ZNF469: variants seen among roughly 807,000 people sequenced by gnomAD.
ZNF469 encodes the protein zinc finger protein 469.
ZNF469 carries 1 observed loss-of-function variant against 1.0 expected under a neutral mutation model. The observed-to-expected ratio is 1.00, with a 90% CI of 0.35 to 4.73. The LOEUF is 4.73. ZNF469 is among the 30% of genes most tolerant of loss of function. The pLI is 0.16. For synonymous variants in ZNF469, 2,703 were observed against 2,363.4 expected (o/e 1.14, Z -4.17); for missense variants, 6,100 against 5,356.3 (o/e 1.14, Z -4.33).
At chr16:88,414,702 C>T (rs1365134044) in intron 1 of ZNF469, among the ~76,000 whole-genome samples, 1 of 152,232 alleles carries the variant, frequency 6.6e-6, no homozygotes, top group South Asian at 2.1e-4. Context: ...CCCAGAAGGA[C>T]GTCCCAGTGG....
the ZNF469 span, among the ~76,000 whole-genome samples, chr16:88,200,432 C>A: frequency 6.6e-6 from 1 of 152,202 alleles, no homozygotes; most frequent in Admixed American, 6.5e-5. Flanking sequence ...CAGAAGGGAC[C>A]GCACCTGCCC....
the ZNF469 span, among the ~76,000 whole-genome samples, chr16:88,274,966 C>G: frequency 6.6e-6 from 1 of 152,162 alleles, no homozygotes; most frequent in African/African-American, 2.4e-5. Context: ...CGCACACATG[C>G]CAACACTCTG....
At chr16:88,392,039 T>C (rs925961104) in intron 1 of ZNF469, among the ~76,000 whole-genome samples, 32 of 152,268 alleles carry the variant, frequency 2.1e-4, no homozygotes, top group African/African-American at 7.2e-4. Context: ...CAATATCTTA[T>C]GCAGGCTACA....
In ZNF469 at chr16:88,439,558, C is replaced by T; in HGVS notation, c.*226C>T. 1.7e-6 allele frequency: 1 copy of T among 590,444 alleles called. No homozygotes were observed. The highest frequency in any genetic ancestry group is 3.0e-6 in the Non-Finnish European group (1 of 333,894). 36.6% of individuals were successfully genotyped at this position (590,444 alleles called of 1,614,324 possible). A position where few individuals can be genotyped will look rare whatever the true frequency, so the allele number is the denominator to read the frequency against. ...CTGGGGGTGAAAGACGGGGCCACTG[C>T]AGCCCTTTTGAGACCACACAGCTGT... On this transcript the variant is annotated 3_prime_UTR_variant, in exon 3 of 3. Coordinates refer to ENST00000565624, the MANE Select transcript of ZNF469 (RefSeq NM_001367624.2).
At chr16:88,128,001 G>C in the ZNF469 span, among the ~76,000 whole-genome samples, 22 of 152,330 alleles carry the variant, frequency 1.4e-4, no homozygotes, top group East Asian at 3.1e-3. Context: ...CCACAGCAGT[G>C]AGTGTAGGCC....
At chr16:88,331,886 G>A in the ZNF469 span, among the ~76,000 whole-genome samples, 63 of 152,104 alleles carry the variant, frequency 4.1e-4, no homozygotes, top group Non-Finnish European at 8.5e-4. Context: ...CTTTTCTGGA[G>A]ACACCCATGA....
Position 88,428,546 on chromosome 16 carries a change from G to C in ZNF469, c.1076G>C (p.Gly359Ala), listed in dbSNP as rs997455271. 6 of 1,549,952 alleles carry C rather than the reference G, an allele frequency of 3.9e-6. No homozygotes were observed. In the African/African-American group the frequency reaches 6.8e-5, roughly 18 times the overall value. ...CTCAGTGGTGCCCTCTCTTCCCCTG[G>C]AGCTGCTCACTCGGCCCCGAGACCC... Reference protein sequence around the residue: ...SDLSGALSSPGAAHSAPRPFS... With the variant: ...SDLSGALSSPAAAHSAPRPFS... Residue 359 changes from glycine to alanine, a missense_variant, in exon 3 of 3, where the codon GGA becomes GCA. By Grantham distance (60) the Gly-to-Ala change is moderately conservative. Coordinates refer to ENST00000565624, the MANE Select transcript of ZNF469 (RefSeq NM_001367624.2).
At position 88,435,589 on chromosome 16, in the gene ZNF469, G is replaced by T; in HGVS notation, c.8119G>T (p.Ala2707Ser). ...GGGACCTGGGGTGATGGAGGGTGCAGCGGAGACTGACCAGGAGGCTCTGTG... is the reference window on the plus strand; with the variant it reads ...GGGACCTGGGGTGATGGAGGGTGCATCGGAGACTGACCAGGAGGCTCTGTG... ...TLGPGVMEGA[A>S]ETDQEALCAG... is the part of the protein sequence containing the mutation. Residue 2707 changes from alanine to serine, a missense_variant, in exon 3 of 3, where the codon GCG becomes TCG. Coordinates refer to ENST00000565624, the MANE Select transcript of ZNF469 (RefSeq NM_001367624.2). 3.9e-6 allele frequency: 6 copies of T among 1,549,990 alleles called. No homozygotes were observed. The highest frequency in any genetic ancestry group is 5.2e-6 in the Non-Finnish European group (6 of 1,146,938).
At position 88,428,659 on chromosome 16, in the gene ZNF469, C is replaced by G. The variant is rs754305342; in HGVS notation, c.1189C>G (p.Pro397Ala). 6.5e-7 allele frequency: 1 copy of G among 1,550,028 alleles called. No individual in the cohort carries two copies. Among genetic ancestry groups the G allele is most frequent in the Non-Finnish European group, 8.7e-7 (1 of 1,146,844 alleles). ...AQDGLGSTRG[P>A]PSSLPQRHFP... ...GGATGGGCTGGGGAGCACGAGAGGGCCCCCTAGCTCCCTACCCCAGAGGCA... is the reference window on the plus strand; with the variant it reads ...GGATGGGCTGGGGAGCACGAGAGGGGCCCCTAGCTCCCTACCCCAGAGGCA... Residue 397 changes from proline to alanine, a missense_variant, in exon 3 of 3, where the codon CCC (proline) becomes GCC (alanine). By Grantham distance (27) the Pro-to-Ala change is conservative (BLOSUM62 -1). Transcript: ENST00000565624.
At chr16:88,296,743 A>G in the ZNF469 span, among the ~76,000 whole-genome samples, 85,271 of 147,328 alleles carry the variant, frequency 0.58, 24,756 homozygotes, top group East Asian at 0.81. Context: ...ACCCACACAC[A>G]CATACACAGG....
the ZNF469 span, among the ~76,000 whole-genome samples, chr16:88,326,086 A>G: frequency 0.038 from 5,735 of 152,298 alleles, 377 homozygotes; most frequent in African/African-American, 0.13. Flanking sequence ...TGGGCCACAG[A>G]CATGTCCTGG....
chr16:88,122,851 A>T, the ZNF469 span, among the ~76,000 whole-genome samples: 1 of 151,948 alleles, frequency 6.6e-6, no homozygotes, highest in African/African-American at 2.4e-5. Flanking sequence ...GTGTATAAAT[A>T]TATATTTTAG....
the ZNF469 span, among the ~76,000 whole-genome samples, chr16:88,186,000 C>T: frequency 3.3e-5 from 5 of 152,356 alleles, no homozygotes; most frequent in Middle Eastern, 3.4e-3. Context: ...CTCACACATT[C>T]GCACACTCAG....
the ZNF469 span, among the ~76,000 whole-genome samples, chr16:88,184,790 G>A: frequency 6.6e-6 from 1 of 152,224 alleles, no homozygotes; most frequent in African/African-American, 2.4e-5. Context: ...CCTCAACCTC[G>A]TCACGCTGCA....
At chr16:88,143,336 A>G in the ZNF469 span, among the ~76,000 whole-genome samples, 1 of 152,128 alleles carries the variant, frequency 6.6e-6, no homozygotes, top group African/African-American at 2.4e-5. Flanking sequence ...CTCCAGCCTT[A>G]AGGAGGCACC....
the ZNF469 span, among the ~76,000 whole-genome samples, chr16:88,225,970 G>C: frequency 3.3e-5 from 5 of 152,108 alleles, no homozygotes; most frequent in African/African-American, 1.2e-4. Context: ...AGGACACCCT[G>C]GCTCCTTGCA....
At chr16:88,274,333 G>C in the ZNF469 span, among the ~76,000 whole-genome samples, 1 of 152,234 alleles carries the variant, frequency 6.6e-6, no homozygotes, top group Non-Finnish European at 1.5e-5. Context: ...TGGTGGTGGT[G>C]ATTGCACAAT....
chr16:88,196,695 G>A, the ZNF469 span, among the ~76,000 whole-genome samples: 10 of 152,328 alleles, frequency 6.6e-5, no homozygotes, highest in South Asian at 4.1e-4. Flanking sequence ...AATTGTCTTG[G>A]TAGCCCTTTA....
chr16:88,328,278 T>C, the ZNF469 span, among the ~76,000 whole-genome samples: 5 of 152,376 alleles, frequency 3.3e-5, no homozygotes, highest in Non-Finnish European at 5.9e-5. Flanking sequence ...TTAAAATGCC[T>C]GTAGAGGAAC....
Sources: allele counts gnomAD v4.1 joint callset (sites outside exome capture counted in the v4.1 genomes callset), GRCh38; gene constraint gnomAD v4.1.1; transcripts MANE v1.5; gene names NCBI Gene and HGNC (gene_info 2026-07-23, HGNC 2026-07-21).